Variants in ABCC4 observed in about 807,000 individuals in gnomAD.
The protein encoded by ABCC4 is ATP binding cassette subfamily C member 4 (PEL blood group).
A neutral mutation model predicts 168.5 loss-of-function variants in ABCC4; 102 were observed. The ratio of observed to expected loss-of-function variants is 0.61; its 90% CI spans 0.52 to 0.71. The LOEUF is 0.71. ABCC4 is among the 30% of genes least tolerant of loss of function. The pLI, the probability that ABCC4 is intolerant of heterozygous loss-of-function variation, is 0.00. For synonymous variants in ABCC4, 617 were observed against 590.7 expected (o/e 1.04, Z -0.65); for missense variants, 1,402 against 1,605.8 (o/e 0.87, Z 2.17).
chr13:95,026,558 A>G (rs1166535278), intron 30 of ABCC4, among the ~76,000 whole-genome samples: 1 of 152,206 alleles, frequency 6.6e-6, no homozygotes, highest in African/African-American at 2.4e-5. Flanking sequence ...CTGCACAATA[A>G]TGTCCTAGGA....
rs761880861 is a variant in ABCC4, at chr13:95,044,291, C to G, written c.3604G>C (p.Glu1202Gln). The G allele has an allele frequency of 1.2e-6, 2 of 1,613,006 alleles. No individual in the cohort carries two copies. Among genetic ancestry groups the G allele is most frequent in the Non-Finnish European group, 1.7e-6 (2 of 1,179,602 alleles). ...CTTGGATCCACATTTGCCGTCGCTT[C>G]ATCAATAATCAATATCTGATTTTTC... is the stretch of plus-strand genomic sequence containing the variant. ...LRKNQILIID[E>Q]ATANVDPRTD... Residue 1202 changes from glutamate to glutamine, a missense_variant, in exon 28 of 31, where the codon GAA becomes CAA. Coordinates refer to ENST00000645237, the MANE Select transcript of ABCC4 (RefSeq NM_005845.5).
intron 4 of ABCC4, among the ~76,000 whole-genome samples, chr13:95,211,929 C>G (rs2038969204): frequency 6.6e-6 from 1 of 152,022 alleles, no homozygotes; most frequent in South Asian, 2.1e-4. Context: ...CCTGTAATCC[C>G]AGCACTTAGT....
intron 14 of ABCC4, 33 bp from the exon 15 acceptor site, chr13:95,166,400 C>T (rs758064886): frequency 1.9e-6 from 3 of 1,546,562 alleles, no homozygotes; most frequent in South Asian, 1.1e-5. Context: ...CAGAGAGATA[C>T]ATGTGCAGGT....
rs532512844 is a variant in ABCC4, at chr13:95,165,181, T to C, written c.2035-663A>G. Among the ~76,000 whole-genome samples, 4 of 152,198 alleles carry C rather than the reference T, an allele frequency of 2.6e-5. No individual in the cohort carries two copies. In the East Asian group the frequency reaches 5.8e-4, roughly 22 times the overall value. ...TGTTCCAAAATCATATACAAAAAGA[T>C]ATGGAACTCTCAACTGCATCACTCA... On this transcript the variant is annotated intron_variant, in intron 15 of 30. Transcript: ENST00000645237.
At chr13:95,101,506 C>T (rs2034805348) in intron 20 of ABCC4, among the ~76,000 whole-genome samples, 1 of 152,094 alleles carries the variant, frequency 6.6e-6, no homozygotes, top group Non-Finnish European at 1.5e-5. Flanking sequence ...AATTAAAATG[C>T]CTAAATCCAA....
intron 4 of ABCC4, among the ~76,000 whole-genome samples, chr13:95,232,116 C>CTGA (rs1555334341): frequency 5.0e-4 from 44 of 88,194 alleles, no homozygotes; most frequent in Admixed American, 1.4e-3. Context: ...GATGCTGCTG[C>CTGA]TGCTGATGAT....
chr13:95,040,689 T>C (rs1215122262), intron 29 of ABCC4, among the ~76,000 whole-genome samples: 3 of 152,246 alleles, frequency 2.0e-5, no homozygotes, highest in East Asian at 1.9e-4. Flanking sequence ...TCCATGAAGA[T>C]GAAACATAGA....
intron 4 of ABCC4, among the ~76,000 whole-genome samples, chr13:95,227,327 C>T (rs898951317): frequency 5.9e-5 from 9 of 152,136 alleles, no homozygotes; most frequent in African/African-American, 2.2e-4. Context: ...ACAAATTGTC[C>T]CTTGATGAGA....
intron 19 of ABCC4, chr13:95,149,025 C>T (rs1022234071): frequency 3.3e-5 from 5 of 152,142 alleles, no homozygotes; most frequent in African/African-American, 4.8e-5. Context: ...AATTCTCTAA[C>T]GTATGAGCTA....
At chr13:95,107,236 G>T (rs1246963331) in intron 20 of ABCC4, among the ~76,000 whole-genome samples, 2 of 152,108 alleles carry the variant, frequency 1.3e-5, no homozygotes, top group South Asian at 2.1e-4. Context: ...CAGCTTCGGT[G>T]ACAAGAGTGA....
At chr13:95,162,188 A>G (rs113892182) in intron 18 of ABCC4, among the ~76,000 whole-genome samples, 4 of 152,338 alleles carry the variant, frequency 2.6e-5, no homozygotes, top group African/African-American at 9.6e-5. Flanking sequence ...CTACACGAAC[A>G]TAATAGAACA....
chr13:95,238,796 TCTGC>T (rs1221945543), intron 3 of ABCC4, among the ~76,000 whole-genome samples: 1 of 152,212 alleles, frequency 6.6e-6, no homozygotes, highest in African/African-American at 2.4e-5. Context: ...GACCTCGTGA[TCTGC>T]CTGCCTTGGC....
chr13:95,194,852 G>C lies in ABCC4; in HGVS notation c.1247C>G (p.Thr416Ser), dbSNP rs1453706988. 1 of 1,614,010 alleles carries C rather than the reference G, an allele frequency of 6.2e-7. No individual in the cohort carries two copies. The highest frequency in any genetic ancestry group is 2.2e-5 in the East Asian group (1 of 44,872). The change falls in exon 9 of 31, where the codon ACT becomes AGT. Residue 416 changes from threonine to serine, a missense_variant. Physicochemically the swap from Thr to Ser is moderately conservative, Grantham distance 58. Coordinates refer to ENST00000645237, the MANE Select transcript of ABCC4 (RefSeq NM_005845.5). ...ATATGTTACCTTATCCCAAAAAGCA[G>C]TAAAATCCTGCACATGCACCATCTT... ...GKKMVHVQDF[T>S]AFWDKASETP...
At chr13:95,179,655 C>A (rs1483732716) in intron 11 of ABCC4, among the ~76,000 whole-genome samples, 2 of 152,100 alleles carry the variant, frequency 1.3e-5, no homozygotes, top group Non-Finnish European at 2.9e-5. Flanking sequence ...CTAGCATAGA[C>A]AAAAGGTGTG....
chr13:95,218,036 C>T (rs1023948154), intron 4 of ABCC4, among the ~76,000 whole-genome samples: 6 of 152,152 alleles, frequency 3.9e-5, no homozygotes, highest in Admixed American at 3.9e-4. Context: ...AGAGTAAAAA[C>T]GTTCTGAATA....
At chr13:95,113,529 T>C (rs988164440) in intron 20 of ABCC4, among the ~76,000 whole-genome samples, 2 of 151,352 alleles carry the variant, frequency 1.3e-5, no homozygotes, top group African/African-American at 2.4e-5. Flanking sequence ...AGAACAGCAC[T>C]GGGCTGTTTT....
chr13:95,029,195 TATATATATATATATATATAGAGAGAG>T (rs1566355237), intron 30 of ABCC4, among the ~76,000 whole-genome samples: 9 of 79,258 alleles, frequency 1.1e-4, no homozygotes, highest in African/African-American at 4.5e-4. Context: ...TATATATATA[TATATATATATATATATATAGAGAGAG>T]AGAGAGAGAG....
intron 4 of ABCC4, among the ~76,000 whole-genome samples, chr13:95,215,020 TA>T (rs747501641): frequency 6.6e-6 from 1 of 151,916 alleles, no homozygotes; most frequent in Non-Finnish European, 1.5e-5. Context: ...ACCTGAACTG[TA>T]AAAAACAGCG....
intron 30 of ABCC4, among the ~76,000 whole-genome samples, chr13:95,028,994 C>T (rs897854510): frequency 4.6e-5 from 7 of 151,386 alleles, no homozygotes; most frequent in South Asian, 2.1e-4. Context: ...GGTAAAAACC[C>T]ATCTCTACTA....
Sources: gnomAD v4.1 joint callset for allele counts (sites outside exome capture counted in the v4.1 genomes callset) on GRCh38, gnomAD v4.1.1 for gene constraint, MANE v1.5 for transcripts, NCBI Gene and HGNC (gene_info 2026-07-23, HGNC 2026-07-21) for gene names.